The following RBM39 variants were observed in gnomAD, a reference collection of about 807,000 sequenced individuals.
RBM39 encodes RNA binding motif protein 39.
A neutral mutation model predicts 79.6 loss-of-function variants in RBM39; 12 were observed. The observed-to-expected ratio is 0.15, with a 90% CI of 0.10 to 0.24. RBM39 has a LOEUF of 0.24. Among genes scored for constraint, RBM39 ranks in the 10% least tolerant of loss-of-function variants. The pLI, the probability that RBM39 is intolerant of heterozygous loss-of-function variation, is 1.00. For synonymous variants in RBM39, 185 were observed against 208.4 expected (o/e 0.89, Z 0.97); for missense variants, 243 against 653.4 (o/e 0.37, Z 6.85).
chr20:35,733,852 C>T, intron 3 of RBM39, among the ~76,000 whole-genome samples: 1 of 152,178 alleles, frequency 6.6e-6, no homozygotes, highest in East Asian at 1.9e-4. Flanking sequence ...TATCTTTCTG[C>T]TCACTTCCGT....
At chr20:35,741,616 G>A (rs1416982276) in intron 1 of RBM39, 2 of 152,208 alleles carry the variant, frequency 1.3e-5, no homozygotes, top group African/African-American at 4.8e-5. Flanking sequence ...TGCCATTTTA[G>A]GGGCAAAGAG....
chr20:35,705,893 T>C (rs561750003), intron 14 of RBM39, among the ~76,000 whole-genome samples: 11 of 152,244 alleles, frequency 7.2e-5, no homozygotes, highest in African/African-American at 2.6e-4. Flanking sequence ...CTGCATAACT[T>C]GAAAGTGACT....
At chr20:35,727,844 G>T (rs2038925125) in intron 6 of RBM39, among the ~76,000 whole-genome samples, 1 of 152,048 alleles carries the variant, frequency 6.6e-6, no homozygotes, top group Admixed American at 6.6e-5. Context: ...TACAGACAGG[G>T]TTTCACCATG....
chr20:35,726,027 C>T (rs2038645053), intron 6 of RBM39, among the ~76,000 whole-genome samples: 1 of 152,186 alleles, frequency 6.6e-6, no homozygotes, highest in African/African-American at 2.4e-5. Flanking sequence ...TTCAATGTAA[C>T]TCAATTCCTT....
intron 3 of RBM39, among the ~76,000 whole-genome samples, chr20:35,737,767 T>C (rs915091712): frequency 7.2e-6 from 1 of 139,438 alleles, no homozygotes; most frequent in South Asian, 2.3e-4. Context: ...GAGAATAGCA[T>C]GAACCCAGGA....
chr20:35,719,632 G>A (rs2037647798), intron 9 of RBM39, among the ~76,000 whole-genome samples: 1 of 151,930 alleles, frequency 6.6e-6, no homozygotes, highest in Non-Finnish European at 1.5e-5. Context: ...AGCCGAGACT[G>A]CACCACTGCA....
intron 1 of RBM39, chr20:35,741,588 C>G (rs1431093715): frequency 6.6e-6 from 1 of 152,244 alleles, no homozygotes; most frequent in East Asian, 1.9e-4. Context: ...GCGCCTCTTT[C>G]CGGGCAAAAA....
intron 4 of RBM39, among the ~76,000 whole-genome samples, chr20:35,729,936 G>A (rs558565576): frequency 6.6e-6 from 1 of 151,998 alleles, no homozygotes; most frequent in Non-Finnish European, 1.5e-5. Context: ...AATTTGGTGT[G>A]TATCTTTGCA....
chr20:35,741,035 T>TTTTTTTTTTC (rs1569089149), intron 1 of RBM39, 148 bp from the exon 2 acceptor site: 47 of 340,414 alleles, frequency 1.4e-4, no homozygotes, highest in Non-Finnish European at 1.8e-4. Flanking sequence ...TTTTTCTTTT[T>TTTTTTTTTTC]TTTTTTTTTT....
At chr20:35,714,013 C>T (rs528450307) in intron 11 of RBM39, among the ~76,000 whole-genome samples, 172 bp downstream of exon 11, 1 of 152,262 alleles carries the variant, frequency 6.6e-6, no homozygotes, top group Admixed American at 6.5e-5. Flanking sequence ...ATATAGATTT[C>T]CATACATTAA....
At chr20:35,709,158 A>AC (rs2036112326) in intron 13 of RBM39, 66 bp downstream of exon 13, 79 of 1,403,178 alleles carry the variant, frequency 5.6e-5, no homozygotes, top group Non-Finnish European at 7.7e-5. Flanking sequence ...AAATATAGAA[A>AC]ACTGTCTTAC....
chr20:35,721,377 G>C (rs571913816), intron 9 of RBM39, among the ~76,000 whole-genome samples: 2 of 152,304 alleles, frequency 1.3e-5, no homozygotes, highest in African/African-American at 4.8e-5. Flanking sequence ...AAGGTGGAGT[G>C]AAGTGGCATA....
intron 8 of RBM39, among the ~76,000 whole-genome samples, chr20:35,723,981 C>T (rs2038334349): frequency 1.3e-5 from 2 of 152,254 alleles, no homozygotes; most frequent in South Asian, 2.1e-4. Context: ...GTCAAGGCTA[C>T]AGTGAGCTGT....
In RBM39 at chr20:35,721,886, C is replaced by G; in HGVS notation, c.688-9G>C. ...GCTCTGTTTTTTTCTGCCTAGAAGA[C>G]AAAATACACGTCACACAGAGATAAC... On this transcript the variant is annotated splice_polypyrimidine_tract_variant and intron_variant, in intron 8 of 16. Coordinates refer to ENST00000253363, the MANE Select transcript of RBM39 (RefSeq NM_184234.3). 6.2e-7 allele frequency: 1 copy of G among 1,612,094 alleles called. No homozygotes were observed. Among genetic ancestry groups the G allele is most frequent in the Non-Finnish European group, 8.5e-7 (1 of 1,178,386 alleles).
At chr20:35,717,986 G>GT (rs2037372536) in intron 9 of RBM39, among the ~76,000 whole-genome samples, 1 of 151,762 alleles carries the variant, frequency 6.6e-6, no homozygotes, top group Non-Finnish European at 1.5e-5. Context: ...AGCCTCCCAA[G>GT]TAGCTGGGAC....
At chr20:35,733,158 C>A (rs2039548460) in intron 3 of RBM39, among the ~76,000 whole-genome samples, 1 of 151,864 alleles carries the variant, frequency 6.6e-6, no homozygotes, top group Admixed American at 6.6e-5. Context: ...CAAAAATTAG[C>A]CAGGCCTGAT....
intron 3 of RBM39, chr20:35,734,712 C>A: frequency 1.1e-6 from 1 of 904,476 alleles, no homozygotes; most frequent in Non-Finnish European, 1.5e-6. Flanking sequence ...GAAGGCAACC[C>A]CAGGCAGGTA....
chr20:35,720,256 G>A (rs2146589468), intron 9 of RBM39, among the ~76,000 whole-genome samples: 1 of 152,238 alleles, frequency 6.6e-6, no homozygotes, highest in Middle Eastern at 3.4e-3. Context: ...CTTGGTTTAG[G>A]TAGATAGCAC....
At chr20:35,724,818 AATTT>A in intron 7 of RBM39, 96 bp from the exon 8 acceptor site, 1 of 1,399,292 alleles carries the variant, frequency 7.1e-7, no homozygotes, top group South Asian at 1.4e-5. Flanking sequence ...TATTTTTAAA[AATTT>A]AATTAAAAAA....
Sources: gnomAD v4.1 joint callset for allele counts (sites outside exome capture counted in the v4.1 genomes callset) on GRCh38, gnomAD v4.1.1 for gene constraint, MANE v1.5 for transcripts, NCBI Gene and HGNC (gene_info 2026-07-23, HGNC 2026-07-21) for gene names.